Variants in IL15 observed in about 807,000 individuals in gnomAD.
The protein encoded by IL15 is interleukin 15.
IL15 carries 11 observed loss-of-function variants against 19.6 expected under a neutral mutation model. The observed-to-expected ratio is 0.56, with a 90% CI of 0.35 to 0.93. The LOEUF (loss-of-function observed/expected upper bound fraction) is 0.93, where lower values mean the gene tolerates loss of function less well. Among genes scored for constraint, IL15 ranks in the 40% least tolerant of loss-of-function variants. IL15 has a pLI of 0.01. For missense variants in IL15, 197 were observed against 186.5 expected, an observed-to-expected ratio of 1.06 and a Z score of -0.33; for synonymous variants, 58 against 59.6, an observed-to-expected ratio of 0.97 and a Z score of 0.12.
chr4:141,701,613 G>GAGGT (rs1282107296), intron 2 of IL15, among the ~76,000 whole-genome samples: 1 of 152,270 alleles, frequency 6.6e-6, no homozygotes, highest in African/African-American at 2.4e-5. Flanking sequence ...TCCAATAGGA[G>GAGGT]AGGTAGCCCT....
intron 2 of IL15, among the ~76,000 whole-genome samples, chr4:141,672,863 C>T (rs1011796638): frequency 5.3e-5 from 8 of 152,084 alleles, no homozygotes; most frequent in African/African-American, 9.7e-5. Flanking sequence ...CAGGTTGAAG[C>T]GCACCCTACT....
At chr4:141,666,169 C>T (rs1727976572) in intron 2 of IL15, among the ~76,000 whole-genome samples, 1 of 151,718 alleles carries the variant, frequency 6.6e-6, no homozygotes, top group Admixed American at 6.6e-5. Context: ...GGCACGATCT[C>T]GGCTCACTGC....
chr4:141,688,532 AT>A (rs1728783284), intron 2 of IL15, among the ~76,000 whole-genome samples: 6 of 152,228 alleles, frequency 3.9e-5, no homozygotes, highest in Non-Finnish European at 8.8e-5. Context: ...ACCTGAAGCA[AT>A]TAGAAGCCTT....
chr4:141,661,684 C>G (rs17007508), intron 2 of IL15, among the ~76,000 whole-genome samples: 6,554 of 152,196 alleles, frequency 0.043, 477 homozygotes, highest in African/African-American at 0.15. Context: ...CCCCTTTTCT[C>G]TGCCTGGGTG....
intron 2 of IL15, among the ~76,000 whole-genome samples, chr4:141,686,758 T>A (rs567570725): frequency 6.6e-6 from 1 of 152,210 alleles, no homozygotes; most frequent in Non-Finnish European, 1.5e-5. Context: ...TTTAAAGGTA[T>A]GTCTGTAGAG....
At chr4:141,665,941 C>T (rs1727956591) in intron 2 of IL15, among the ~76,000 whole-genome samples, 1 of 151,970 alleles carries the variant, frequency 6.6e-6, no homozygotes, top group Non-Finnish European at 1.5e-5. Flanking sequence ...GTCTTTTGTT[C>T]TTGGTTTCTG....
At chr4:141,650,206 T>A (rs1727357667) in intron 1 of IL15, among the ~76,000 whole-genome samples, 1 of 151,182 alleles carries the variant, frequency 6.6e-6, no homozygotes, top group African/African-American at 2.5e-5. Flanking sequence ...TCACAGAAAA[T>A]TGTAACTAGG....
chr4:141,677,281 A>T (rs1296730084), intron 2 of IL15, among the ~76,000 whole-genome samples: 1 of 152,142 alleles, frequency 6.6e-6, no homozygotes. Flanking sequence ...GACAATGAGG[A>T]TGAAGACCTT....
rs553515127 is a variant in IL15 at position 141,710,425 on chromosome 4, C to G, written c.-99-8941C>G. 6.4e-4 allele frequency among the ~76,000 whole-genome samples: 97 copies of G among 152,200 alleles called. 1 individual carries two copies. The highest frequency in any genetic ancestry group is 2.3e-3 in the African/African-American group (95 of 41,544). On this transcript the variant is annotated intron_variant, in intron 2 of 7. Coordinates refer to ENST00000320650, the MANE Select transcript of IL15 (RefSeq NM_000585.5). ...TGTTACTACAGTCATATTTACTTGG[C>G]ATATCTTTTTTTTGTAATTTTTAAG...
chr4:141,676,557 C>T (rs1728352409), intron 2 of IL15, among the ~76,000 whole-genome samples: 1 of 152,074 alleles, frequency 6.6e-6, no homozygotes, highest in Non-Finnish European at 1.5e-5. Flanking sequence ...AAGGGATTGT[C>T]AGTGACATGA....
intron 1 of IL15, among the ~76,000 whole-genome samples, chr4:141,642,283 G>T (rs931179143): frequency 2.0e-5 from 3 of 152,126 alleles, no homozygotes; most frequent in African/African-American, 2.4e-5. Context: ...AAATCTGCCT[G>T]CTTTGGGCAC....
chr4:141,672,575 G>T (rs1449152967), intron 2 of IL15, among the ~76,000 whole-genome samples: 1 of 152,158 alleles, frequency 6.6e-6, no homozygotes, highest in Non-Finnish European at 1.5e-5. Context: ...TATCTTGAGG[G>T]TATGTGTGCT....
intron 2 of IL15, among the ~76,000 whole-genome samples, chr4:141,665,240 ATATTT>A (rs1230664009): frequency 6.6e-6 from 1 of 152,086 alleles, no homozygotes; most frequent in African/African-American, 2.4e-5. Context: ...AAACATTACT[ATATTT>A]TATTTTTGAA....
At chr4:141,697,017 G>A (rs1037354907) in intron 2 of IL15, among the ~76,000 whole-genome samples, 2 of 151,802 alleles carry the variant, frequency 1.3e-5, no homozygotes, top group African/African-American at 4.8e-5. Context: ...TTAGTTTAAT[G>A]AGGTTCCATT....
intron 2 of IL15, among the ~76,000 whole-genome samples, chr4:141,669,465 C>T (rs1314921547): frequency 1.3e-5 from 2 of 152,116 alleles, no homozygotes; most frequent in African/African-American, 2.4e-5. Flanking sequence ...TTGCAAATAG[C>T]AGTGGTGATA....
chr4:141,711,967 T>G (rs1235113164), intron 2 of IL15, among the ~76,000 whole-genome samples: 1 of 152,126 alleles, frequency 6.6e-6, no homozygotes, highest in Admixed American at 6.6e-5. Context: ...TCTATTAGCA[T>G]GTGTTTCATT....
intron 2 of IL15, among the ~76,000 whole-genome samples, chr4:141,693,016 C>CAAAAAA (rs70949131): frequency 0.098 from 2,282 of 23,186 alleles, 494 homozygotes; most frequent in East Asian, 0.38. Flanking sequence ...GACTCCGTCT[C>CAAAAAA]AAAAAAAAAA....
intron 2 of IL15, among the ~76,000 whole-genome samples, chr4:141,681,202 C>G (rs896118848): frequency 9.9e-5 from 15 of 151,784 alleles, no homozygotes; most frequent in African/African-American, 3.6e-4. Context: ...GATTCTTGCT[C>G]TGATCTCTTA....
At chr4:141,715,673 T>G (rs191733400) in intron 2 of IL15, 1 of 152,210 alleles carries the variant, frequency 6.6e-6, no homozygotes, top group African/African-American at 2.4e-5. Flanking sequence ...TGATGTTGTC[T>G]TATAGTCTCT....
Sources: gnomAD v4.1 joint callset for allele counts (sites outside exome capture counted in the v4.1 genomes callset) on GRCh38, gnomAD v4.1.1 for gene constraint, MANE v1.5 for transcripts, NCBI Gene and HGNC (gene_info 2026-07-23, HGNC 2026-07-21) for gene names.